Variants in ASIC1 observed in about 807,000 individuals in gnomAD.
The protein encoded by ASIC1 is acid sensing ion channel subunit 1, also known as acid-sensing ion channel 1.
A neutral mutation model predicts 63.4 loss-of-function variants in ASIC1; 21 were observed. That is an observed-to-expected ratio of 0.33 (90% confidence interval 0.23 to 0.48). ASIC1 has a LOEUF of 0.48. Ranked by LOEUF, ASIC1 falls within the 20% of genes least tolerant of loss-of-function variation. The pLI is 0.99. For missense variants in ASIC1, 478 were observed against 695.5 expected (o/e 0.69, Z 3.52); for synonymous variants, 258 against 278.2 (o/e 0.93, Z 0.72).
rs754544748 is a variant in ASIC1, at chr12:50,081,650, G to A, written c.*1G>A. 6.2e-7 allele frequency: 1 copy of A among 1,613,490 alleles called. No homozygotes were observed. The highest frequency in any genetic ancestry group is 8.5e-7 in the Non-Finnish European group (1 of 1,179,782). Reference sequence around the variant, plus strand: ...CACGTTCGAGGACTTTACCTGCTGAGCCCCGCAGGCCGCTGAACCAAAGGC... The same window carrying A: ...CACGTTCGAGGACTTTACCTGCTGAACCCCGCAGGCCGCTGAACCAAAGGC... On this transcript the variant is annotated 3_prime_UTR_variant, in exon 12 of 12. Coordinates refer to ENST00000447966, the MANE Select transcript of ASIC1 (RefSeq NM_001095.4).
chr12:50,068,722 G>T (rs905724783), intron 3 of ASIC1, among the ~76,000 whole-genome samples: 1 of 151,520 alleles, frequency 6.6e-6, no homozygotes, highest in African/African-American at 2.4e-5. Context: ...GCCTGATCTA[G>T]TGAGCCACCC....
chr12:50,058,229 A>G (rs941565957), intron 1 of ASIC1, among the ~76,000 whole-genome samples: 3 of 151,848 alleles, frequency 2.0e-5, no homozygotes, highest in Non-Finnish European at 4.4e-5. Flanking sequence ...GCAGGTGAGG[A>G]CTCAGGCTGG....
Position 50,074,398 on chromosome 12 carries a change from C to T in ASIC1, c.559-2815C>T, listed in dbSNP as rs1458330660. 6.6e-6 allele frequency among the ~76,000 whole-genome samples: 1 copy of T among 152,168 alleles called. No homozygotes were observed. Among genetic ancestry groups the T allele is most frequent in the East Asian group, 1.9e-4 (1 of 5,196 alleles). On this transcript the variant is annotated intron_variant, in intron 3 of 11. Transcript: ENST00000447966. The surrounding 1 kb of genome is among the most constrained non-coding windows in gnomAD (Gnocchi z 4.2). ...CTGGCTGACACAGGCCAGAGCTCAC[C>T]CAGGAGTCCGGGGCCTGGAGCTGGG...
chr12:50,070,112 A>G (rs1950584187), intron 3 of ASIC1, among the ~76,000 whole-genome samples: 1 of 152,164 alleles, frequency 6.6e-6, no homozygotes, highest in Admixed American at 6.5e-5. Context: ...CACTCAGCAC[A>G]CACTGCTAAA....
chr12:50,077,438 C>A, intron 4 of ASIC1, 75 bp downstream of exon 4: 2 of 1,586,232 alleles, frequency 1.3e-6, no homozygotes, highest in Non-Finnish European at 1.7e-6. Flanking sequence ...CTGGGCTTCA[C>A]TGTGAGACCT....
intron 3 of ASIC1, among the ~76,000 whole-genome samples, chr12:50,069,701 T>A (rs1256107363): frequency 7.4e-6 from 1 of 134,834 alleles, no homozygotes; most frequent in African/African-American, 3.7e-5. Context: ...GATAGAGTCA[T>A]TTTTTTTTTT....
rs1242638756 is a variant in ASIC1 at position 50,077,218 on chromosome 12, C to T, written c.564C>T (p.Phe188=). 3 of 1,609,126 alleles carry T rather than the reference C, an allele frequency of 1.9e-6. No individual in the cohort carries two copies. The highest frequency in any genetic ancestry group is 2.2e-5 in the East Asian group (1 of 44,842). ...VCSAEDFKVV[F]TRYGKCYTFN... ...CTCCACTCTGCCCTCGCCAGGTCTT[C>T]ACACGCTATGGAAAGTGCTACACGT... Residue 188 remains phenylalanine (F), a synonymous_variant, in exon 4 of 12, where the codon TTC becomes TTT. Coordinates refer to ENST00000447966, the MANE Select transcript of ASIC1 (RefSeq NM_001095.4).
At chr12:50,067,739 C>T (rs1950560306) in intron 3 of ASIC1, among the ~76,000 whole-genome samples, 1 of 152,082 alleles carries the variant, frequency 6.6e-6, no homozygotes, top group Admixed American at 6.6e-5. Flanking sequence ...CTTTTTTGAA[C>T]TATTCGCTTT....
chr12:50,070,764 A>G (rs1950591868), intron 3 of ASIC1: 1 of 152,362 alleles, frequency 6.6e-6, no homozygotes. Flanking sequence ...TCTCTGAAGC[A>G]CTTCCTGGGG....
intron 3 of ASIC1, among the ~76,000 whole-genome samples, chr12:50,064,151 G>C (rs1950524967): frequency 6.6e-6 from 1 of 152,060 alleles, no homozygotes. Context: ...TAGAGGAGGG[G>C]TTCATGGGGT....
chr12:50,080,519 C>T lies in ASIC1; in HGVS notation c.1227C>T (p.Asp409=). The T allele has an allele frequency of 6.2e-7, 1 of 1,614,198 alleles. No homozygotes were observed. The highest frequency in any genetic ancestry group is 8.5e-7 in the Non-Finnish European group (1 of 1,180,030). The change falls in exon 9 of 12, where the codon GAC becomes GAT. Residue 409 remains aspartate (D), a synonymous_variant. Coordinates refer to ENST00000447966, the MANE Select transcript of ASIC1 (RefSeq NM_001095.4). ...QYIGENILVL[D]IFFEVLNYET... ...GCAGGGAGAACATCCTGGTGCTGGA[C>T]ATTTTCTTTGAAGTCCTCAACTATG...
rs1950685765 is a variant in ASIC1 at position 50,078,853 on chromosome 12, C to A, written c.995-71C>A. ...CTTCTCCCAGCTTACACCTTCTAGG[C>A]CTTTGGTACTACCACCATCACCAGA... On this transcript the variant is annotated intron_variant, in intron 6 of 11. Coordinates refer to ENST00000447966, the MANE Select transcript of ASIC1 (RefSeq NM_001095.4). The surrounding 1 kb of genome is among the most constrained non-coding windows in gnomAD (Gnocchi z 6.0). 15 of 1,532,366 alleles carry A rather than the reference C, an allele frequency of 9.8e-6. No homozygotes were observed. The highest frequency in any genetic ancestry group is 1.4e-5 in the Non-Finnish European group (15 of 1,106,118). 94.9% of individuals were successfully genotyped at this position (1,532,366 alleles called of 1,614,324 possible).
intron 3 of ASIC1, among the ~76,000 whole-genome samples, chr12:50,071,303 G>A (rs1236359887): frequency 8.1e-6 from 1 of 122,796 alleles, no homozygotes; most frequent in African/African-American, 3.1e-5. Context: ...GTCTTGCTCT[G>A]TCCCCCAGGC....
In ASIC1 at chr12:50,059,165, G is replaced by GA; in HGVS notation, c.362+38dup. On this transcript the variant is annotated intron_variant, in intron 2 of 11. Transcript: ENST00000447966. The surrounding 1 kb of genome is among the most constrained non-coding windows in gnomAD (Gnocchi z 4.6). The stretch of plus-strand genomic sequence containing the variant: ...CCACCCTCCCTCAGCCCTGCTCCTG[G>GA]AGTTGCTTGAGTTCCAGTCAGGATG... 6.3e-7 allele frequency: 1 copy of GA among 1,598,446 alleles called. No homozygotes were observed. The highest frequency in any genetic ancestry group is 8.5e-7 in the Non-Finnish European group (1 of 1,173,302).
intron 8 of ASIC1, 68 bp from the exon 9 acceptor site, chr12:50,080,430 G>A (rs1950703401): frequency 6.7e-7 from 1 of 1,493,736 alleles, no homozygotes. Context: ...GCCTTGCCAA[G>A]GTCACCTGGT....
At position 50,059,249 on chromosome 12, in the gene ASIC1, C is replaced by T. The variant is rs540252004; in HGVS notation, c.362+121C>T. The T allele has an allele frequency of 1.5e-6, 2 of 1,373,976 alleles. No individual in the cohort carries two copies. The highest frequency in any genetic ancestry group is 5.0e-5 in the East Asian group (2 of 40,384). The allele number at this position is 1,373,976 out of a possible 1,614,324, so 85.1% of individuals were successfully genotyped here. A position where few individuals can be genotyped will look rare whatever the true frequency, so the allele number is the denominator to read the frequency against. On this transcript the variant is annotated intron_variant, in intron 2 of 11. Coordinates refer to ENST00000447966, the MANE Select transcript of ASIC1 (RefSeq NM_001095.4). This position sits in a 1 kb window ranked among gnomAD's most constrained non-coding sequence, Gnocchi z 4.6. ...ACCCTGCCCTTTAACCCACCCCCAC[C>T]CCCAAACCTGCCACTCACAGCAGAG...
In ASIC1 at chr12:50,059,172, T is replaced by C. The variant is rs200247830; in HGVS notation, c.362+44T>C. On this transcript the variant is annotated intron_variant, in intron 2 of 11. Transcript: ENST00000447966. The surrounding 1 kb of genome is among the most constrained non-coding windows in gnomAD (Gnocchi z 4.6). ...CCCTCAGCCCTGCTCCTGGAGTTGCTTGAGTTCCAGTCAGGATGTCTGCCT... is the reference window on the plus strand; with the variant it reads ...CCCTCAGCCCTGCTCCTGGAGTTGCCTGAGTTCCAGTCAGGATGTCTGCCT... 92 of 1,595,750 alleles carry C rather than the reference T, an allele frequency of 5.8e-5. No homozygotes were observed. Among genetic ancestry groups the C allele is most frequent in the Non-Finnish European group, 7.7e-5 (90 of 1,172,158 alleles).
Position 50,079,888 on chromosome 12 carries a change from C to G in ASIC1, c.1052-14C>G, listed in dbSNP as rs377261511. 6 of 1,592,182 alleles carry G rather than the reference C, an allele frequency of 3.8e-6. No homozygotes were observed. Among genetic ancestry groups the G allele is most frequent in the Non-Finnish European group, 5.1e-6 (6 of 1,168,526 alleles). On this transcript the variant is annotated splice_polypyrimidine_tract_variant and intron_variant, in intron 7 of 11. Coordinates refer to ENST00000447966, the MANE Select transcript of ASIC1 (RefSeq NM_001095.4). ...GCACCACTCAACTGAGACCTCTCAC[C>G]TGGCTGAGTGCAGACTTCCTGGTGG...
intron 7 of ASIC1, among the ~76,000 whole-genome samples, chr12:50,079,267 A>G (rs1950690359): frequency 6.6e-6 from 1 of 151,916 alleles, no homozygotes; most frequent in Admixed American, 6.6e-5. Flanking sequence ...AAAAAAAATT[A>G]TGTGGGCATG....
Sources: allele counts gnomAD v4.1 joint callset (sites outside exome capture counted in the v4.1 genomes callset), GRCh38; gene constraint gnomAD v4.1.1; non-coding constraint Gnocchi (gnomAD v3.1); transcripts MANE v1.5; gene names NCBI Gene and HGNC (gene_info 2026-07-23, HGNC 2026-07-21).